Variants in CCDC171 observed in about 807,000 individuals in gnomAD.
The protein encoded by CCDC171 is coiled-coil domain containing 171.
Under a neutral mutation model 168.2 loss-of-function variants are expected in CCDC171, and 177 were observed. The observed-to-expected ratio is 1.05, with a 90% CI of 0.93 to 1.19. CCDC171 has a LOEUF of 1.19. Ranked by LOEUF, CCDC171 falls within the 50% of genes most tolerant of loss-of-function variation. CCDC171 has a pLI of 0.00. For missense variants in CCDC171, 1,991 were observed against 1,539.0 expected (o/e 1.29, Z -4.91); for synonymous variants, 687 against 540.8 (o/e 1.27, Z -3.75).
the CCDC171 span, among the ~76,000 whole-genome samples, chr9:16,104,081 C>T: frequency 2.6e-5 from 4 of 152,112 alleles, no homozygotes; most frequent in Non-Finnish European, 5.9e-5. Flanking sequence ...TCAGGGCCAG[C>T]ATTTTTCTTT....
chr9:16,000,800 C>A (rs191493435), intron 3 of CCDC171, among the ~76,000 whole-genome samples: 15 of 151,972 alleles, frequency 9.9e-5, no homozygotes, highest in African/African-American at 3.6e-4. Flanking sequence ...ATGTTATCTT[C>A]CCCTATTTCT....
chr9:16,100,798 G>C, the CCDC171 span, among the ~76,000 whole-genome samples: 2 of 152,032 alleles, frequency 1.3e-5, no homozygotes, highest in African/African-American at 4.8e-5. Flanking sequence ...CCTGTCAGGC[G>C]CCCCCCACCC....
At chr9:15,906,740 T>C (rs1822696111) in intron 24 of CCDC171, among the ~76,000 whole-genome samples, 1 of 152,152 alleles carries the variant, frequency 6.6e-6, no homozygotes, top group Admixed American at 6.5e-5. Flanking sequence ...ATTGTCCCTG[T>C]TTGCAGACGA....
chr9:15,809,140 G>T (rs1161617945), intron 21 of CCDC171, among the ~76,000 whole-genome samples: 1 of 152,036 alleles, frequency 6.6e-6, no homozygotes, highest in Non-Finnish European at 1.5e-5. Flanking sequence ...AAATTTTTTG[G>T]GAACATAAAA....
chr9:15,725,018 C>A, intron 14 of CCDC171, 42 bp downstream of exon 14: 1 of 1,405,564 alleles, frequency 7.1e-7, no homozygotes, highest in Non-Finnish European at 1.0e-6. Flanking sequence ...GGGCCTTTCA[C>A]TAATCTCAGT....
chr9:15,588,801 G>T (rs557509696), intron 4 of CCDC171, among the ~76,000 whole-genome samples: 1 of 148,892 alleles, frequency 6.7e-6, no homozygotes, highest in African/African-American at 2.5e-5. Context: ...TCCACCTCCC[G>T]GGTTCACGTC....
At chr9:15,824,725 A>G (rs1052907094) in intron 21 of CCDC171, among the ~76,000 whole-genome samples, 2 of 152,040 alleles carry the variant, frequency 1.3e-5, no homozygotes, top group African/African-American at 4.8e-5. Context: ...ATAATGTGGT[A>G]CCTTTCTATT....
At chr9:16,069,649 T>C in the CCDC171 span, among the ~76,000 whole-genome samples, 1 of 152,146 alleles carries the variant, frequency 6.6e-6, no homozygotes, top group African/African-American at 2.4e-5. Context: ...TCTTCAAGGG[T>C]ATTTGGGGAG....
At chr9:15,649,702 C>G (rs2047349220) in intron 7 of CCDC171, among the ~76,000 whole-genome samples, 1 of 152,070 alleles carries the variant, frequency 6.6e-6, no homozygotes, top group South Asian at 2.1e-4. Flanking sequence ...CAATGAGATA[C>G]CATCTCACAC....
intron 7 of CCDC171, among the ~76,000 whole-genome samples, chr9:15,643,710 AGCTACTGCCCT>A (rs2046816344): frequency 6.6e-6 from 1 of 152,212 alleles, no homozygotes; most frequent in South Asian, 2.1e-4. Flanking sequence ...ATACATTAGC[AGCTACTGCCCT>A]TTTCGTTCTC....
chr9:15,866,593 T>C (rs2131081469), intron 23 of CCDC171, among the ~76,000 whole-genome samples: 1 of 152,088 alleles, frequency 6.6e-6, no homozygotes, highest in South Asian at 2.1e-4. Flanking sequence ...AAATACTGAA[T>C]GTAAGGTAAT....
the CCDC171 span, among the ~76,000 whole-genome samples, chr9:16,083,267 A>G: frequency 4.9e-4 from 74 of 152,260 alleles, no homozygotes; most frequent in African/African-American, 1.8e-3. Flanking sequence ...TAAAGCATAC[A>G]CTGTTATCCC....
At chr9:15,831,238 C>G (rs1436807799) in intron 21 of CCDC171, among the ~76,000 whole-genome samples, 1 of 152,018 alleles carries the variant, frequency 6.6e-6, no homozygotes, top group African/African-American at 2.4e-5. Context: ...TCCCAAAGTG[C>G]TAGGATTACA....
chr9:15,605,844 G>T (rs1295748485), intron 6 of CCDC171, among the ~76,000 whole-genome samples: 1 of 151,886 alleles, frequency 6.6e-6, no homozygotes, highest in Non-Finnish European at 1.5e-5. Context: ...ATAATATTTT[G>T]CCTCCATCTT....
At chr9:15,819,465 C>G (rs1406556343) in intron 21 of CCDC171, among the ~76,000 whole-genome samples, 1 of 116,710 alleles carries the variant, frequency 8.6e-6, no homozygotes, top group Non-Finnish European at 1.9e-5. Context: ...CAGAGACACC[C>G]ATAGACTCAA....
chr9:15,736,715 C>T (rs571421232), intron 16 of CCDC171, among the ~76,000 whole-genome samples: 3 of 150,110 alleles, frequency 2.0e-5, no homozygotes, highest in African/African-American at 7.5e-5. Context: ...CTCACTCTGT[C>T]ACCCAGGTGG....
At chr9:15,992,659 T>A (rs564206376) in intron 3 of CCDC171, among the ~76,000 whole-genome samples, 1 of 152,222 alleles carries the variant, frequency 6.6e-6, no homozygotes, top group Non-Finnish European at 1.5e-5. Flanking sequence ...AAATTGTCCT[T>A]GTTTGCAGAT....
chr9:15,772,636 G>A (rs923063540), intron 18 of CCDC171, among the ~76,000 whole-genome samples: 2 of 152,220 alleles, frequency 1.3e-5, no homozygotes, highest in Non-Finnish European at 2.9e-5. Flanking sequence ...GGGACCAGAT[G>A]TGTAGGACTT....
intron 16 of CCDC171, among the ~76,000 whole-genome samples, chr9:15,731,529 A>G (rs375577510): frequency 6.6e-6 from 1 of 152,118 alleles, no homozygotes; most frequent in East Asian, 1.9e-4. Flanking sequence ...TGTTGTGTGA[A>G]TCAGTACTTC....
Sources: gnomAD v4.1 joint callset for allele counts (sites outside exome capture counted in the v4.1 genomes callset) on GRCh38, gnomAD v4.1.1 for gene constraint, MANE v1.5 for transcripts, NCBI Gene and HGNC (gene_info 2026-07-23, HGNC 2026-07-21) for gene names.